The following IFT46 variants were observed in gnomAD, a reference collection of about 807,000 sequenced individuals.
IFT46 encodes the protein intraflagellar transport protein 46 homolog.
Under a neutral mutation model 39.6 loss-of-function variants are expected in IFT46, and 19 were observed. That is an observed-to-expected ratio of 0.48 (90% CI 0.33 to 0.70). The LOEUF (loss-of-function observed/expected upper bound fraction) is 0.70. IFT46 is among the 30% of genes least tolerant of loss of function. IFT46 has a pLI of 0.01. For synonymous variants in IFT46, 117 were observed against 134.8 expected (o/e 0.87, Z 0.91); for missense variants, 334 against 364.8 (o/e 0.92, Z 0.69).
chr11:118,552,284 T>G lies in IFT46; in HGVS notation c.535A>C (p.Ile179Leu), dbSNP rs782237392. 5 of 1,614,222 alleles carry G rather than the reference T, an allele frequency of 3.1e-6. No individual in the cohort carries two copies. The South Asian group carries it at 4.4e-5, about 14-fold the overall frequency. The change falls in exon 8 of 12, where the codon ATT (isoleucine) becomes CTT (leucine). Residue 179 changes from isoleucine to leucine, a missense_variant. By Grantham distance (5) the Ile-to-Leu change is conservative. Coordinates refer to ENST00000264021, the MANE Select transcript of IFT46 (RefSeq NM_001168618.2). ...GAGATGCTCTCAATCCACGTGTCAA[T>G]GGCTTTGGGATTCTTTTCTGCATCT... ...LEDAEKNPKA[I>L]DTWIESISEL...
At chr11:118,571,203 A>C (rs1938328813) in intron 1 of IFT46, among the ~76,000 whole-genome samples, 1 of 152,186 alleles carries the variant, frequency 6.6e-6, no homozygotes, top group African/African-American at 2.4e-5. Flanking sequence ...ATCATATATG[A>C]GTGCCCCATT....
At chr11:118,548,787 G>C (rs1404256249) in intron 9 of IFT46, among the ~76,000 whole-genome samples, 2 of 150,156 alleles carry the variant, frequency 1.3e-5, no homozygotes, top group Non-Finnish European at 3.0e-5. Context: ...CACTGCACCT[G>C]GCCTTTTTTT....
At chr11:118,570,621 C>G (rs541628712), upstream of IFT46, among the ~76,000 whole-genome samples, 2 of 152,290 alleles carry the variant, frequency 1.3e-5, no homozygotes, top group Admixed American at 1.3e-4. Context: ...GGAAGAACTA[C>G]TGAATCAGCT....
intron 9 of IFT46, among the ~76,000 whole-genome samples, chr11:118,549,950 G>A (rs1402979129): frequency 6.8e-6 from 1 of 147,406 alleles, no homozygotes; most frequent in Non-Finnish European, 1.5e-5. Context: ...TTGAGATGGA[G>A]TCTCGCTCTA....
At position 118,556,773 on chromosome 11, in the gene IFT46, G is replaced by A. The variant is rs184920261; in HGVS notation, c.185+133C>T. ...ACTCATTATTATGTTGGGTTTCTGA[G>A]ACATCTGAAAATCCTAAATACAGGA... is the stretch of plus-strand genomic sequence containing the variant. On this transcript the variant is annotated intron_variant, in intron 4 of 11. Coordinates refer to ENST00000264021, the MANE Select transcript of IFT46 (RefSeq NM_001168618.2). 1.0e-3 allele frequency: 1,132 copies of A among 1,105,232 alleles called. 9 individuals are homozygous for A. Among genetic ancestry groups the A allele is most frequent in the Middle Eastern group, 9.3e-4 (3 of 3,228 alleles). The allele number at this position is 1,105,232 out of a possible 1,614,324, so 68.5% of individuals were successfully genotyped here. A position where few individuals can be genotyped will look rare whatever the true frequency, so the allele number is the denominator to read the frequency against.
At chr11:118,551,690 A>AAT in intron 9 of IFT46, 96 bp downstream of exon 9, 7 of 840,824 alleles carry the variant, frequency 8.3e-6, no homozygotes, top group African/African-American at 1.7e-5. Flanking sequence ...AAAAAAAAAA[A>AAT]GTTACCAATA....
Position 118,564,746 on chromosome 11 carries a change from T to C in IFT46, c.-36+219A>G, listed in dbSNP as rs150719902. 3.5e-4 allele frequency among the ~76,000 whole-genome samples: 54 copies of C among 152,180 alleles called. No individual in the cohort carries two copies. In the East Asian group the frequency reaches 0.01, roughly 28 times the overall value. ...TCCTGGCAGACAGTGAGCAAAGCAGTAACATGAAGTAAATGGTGACAGGGT... is the reference window on the plus strand; with the variant it reads ...TCCTGGCAGACAGTGAGCAAAGCAGCAACATGAAGTAAATGGTGACAGGGT... On this transcript the variant is annotated intron_variant, in intron 2 of 11. Transcript: ENST00000264021.
chr11:118,561,454 GC>G, intron 2 of IFT46: 1 of 788,632 alleles, frequency 1.3e-6, no homozygotes, highest in Non-Finnish European at 2.2e-6. Flanking sequence ...ATGAAAAGAG[GC>G]CCAAGAAAGA....
chr11:118,573,684 C>A, upstream of IFT46: 2 of 702,714 alleles, frequency 2.8e-6, no homozygotes, highest in Non-Finnish European at 5.2e-6. Flanking sequence ...TGGTGGCAAT[C>A]CTAATAAGTT....
At chr11:118,570,045 CTTTTTTT>C (rs1162103875), upstream of IFT46, among the ~76,000 whole-genome samples, 4 of 113,550 alleles carry the variant, frequency 3.5e-5, no homozygotes, top group Non-Finnish European at 7.2e-5. Context: ...CCACGCCCAG[CTTTTTTT>C]TTTTTTTTTT....
intron 8 of IFT46, 56 bp from the exon 9 acceptor site, chr11:118,551,908 C>T: frequency 1.3e-6 from 2 of 1,488,190 alleles, no homozygotes; most frequent in South Asian, 1.1e-5. Context: ...CATCAGCAAC[C>T]TCTGGATCAG....
chr11:118,561,967 T>C (rs1293542119), intron 2 of IFT46, among the ~76,000 whole-genome samples: 2 of 151,876 alleles, frequency 1.3e-5, no homozygotes, highest in Non-Finnish European at 2.9e-5. Flanking sequence ...GGTGAAACCC[T>C]GTCTCTACAA....
intron 9 of IFT46, chr11:118,546,054 G>T (rs535221204): frequency 1.4e-6 from 1 of 713,402 alleles, no homozygotes; most frequent in East Asian, 2.7e-5. Flanking sequence ...TCTTTAAAGA[G>T]ATAATTAAAT....
chr11:118,568,858 G>A (rs1342081677), upstream of IFT46, among the ~76,000 whole-genome samples: 1 of 151,786 alleles, frequency 6.6e-6, no homozygotes, highest in Non-Finnish European at 1.5e-5. Context: ...GTTTCACCAT[G>A]TTGCTCAGGC....
intron 7 of IFT46, among the ~76,000 whole-genome samples, chr11:118,552,636 T>C (rs989678156): frequency 5.3e-5 from 8 of 151,846 alleles, no homozygotes; most frequent in Admixed American, 1.3e-4. Flanking sequence ...GTACTAAAAA[T>C]TTAAAAATTA....
At chr11:118,546,228 G>A in intron 9 of IFT46, 1 of 714,152 alleles carries the variant, frequency 1.4e-6, no homozygotes, top group Non-Finnish European at 2.6e-6. Context: ...GGGGCGTGGT[G>A]GCTTCACGCC....
At chr11:118,576,160 G>GT (rs200268771), upstream of IFT46, among the ~76,000 whole-genome samples, 6,226 of 151,920 alleles carry the variant, frequency 0.041, 180 homozygotes, top group South Asian at 0.067. Context: ...AATTCTCCAG[G>GT]TTTTTTTACT....
At chr11:118,564,689 AAAAG>A (rs1403393518) in intron 2 of IFT46, among the ~76,000 whole-genome samples, 2 of 150,496 alleles carry the variant, frequency 1.3e-5, no homozygotes, top group Non-Finnish European at 2.9e-5. Context: ...AAGTTAAAAA[AAAAG>A]AAAAGAAAAA....
At chr11:118,545,526 GCAAA>G (rs1210435822) in intron 10 of IFT46, 32 bp from the exon 11 acceptor site, 1 of 1,557,466 alleles carries the variant, frequency 6.4e-7, no homozygotes, top group Non-Finnish European at 8.9e-7. Flanking sequence ...AGGAACAGAA[GCAAA>G]CAAACTCCGG....
Sources: gnomAD v4.1 joint callset for allele counts (sites outside exome capture counted in the v4.1 genomes callset) on GRCh38, gnomAD v4.1.1 for gene constraint, MANE v1.5 for transcripts, NCBI Gene and HGNC (gene_info 2026-07-23, HGNC 2026-07-21) for gene names.